The following HS2ST1 variants were observed in gnomAD, a reference collection of about 807,000 sequenced individuals.
The protein encoded by HS2ST1 is 2-O-sulfotransferase.
Under a neutral mutation model 42.9 loss-of-function variants are expected in HS2ST1, and 18 were observed. The ratio of observed to expected loss-of-function variants is 0.42; its 90% CI spans 0.29 to 0.62. The LOEUF (loss-of-function observed/expected upper bound fraction) is 0.62. HS2ST1 is among the 20% of genes least tolerant of loss of function. HS2ST1 has a pLI of 0.21. For missense variants in HS2ST1, 334 were observed against 433.8 expected (o/e 0.77, Z 2.04); for synonymous variants, 146 against 152.9 (o/e 0.95, Z 0.33).
Position 87,100,613 on chromosome 1 carries a change from TCCCTATTCCCTG to T in HS2ST1, c.686+2691_686+2702del, listed in dbSNP as rs542492686. ...TGCTCCACAGTGTTATTAAATTCCT[TCCCTATTCCCTG>T]CCCTATTCCCTGGAAAATAGGCTTT... is the stretch of plus-strand genomic sequence containing the variant. On this transcript the variant is annotated intron_variant, in intron 5 of 6. Coordinates refer to ENST00000370550, the MANE Select transcript of HS2ST1 (RefSeq NM_012262.4). Among the ~76,000 whole-genome samples, 943 of 152,286 alleles carry T rather than the reference TCCCTATTCCCTG, an allele frequency of 6.2e-3. 2 individuals carry two copies. Among genetic ancestry groups the T allele is most frequent in the Non-Finnish European group, 0.01 (696 of 68,014 alleles).
chr1:87,068,487 A>C (rs538404478), intron 1 of HS2ST1, among the ~76,000 whole-genome samples: 59 of 152,310 alleles, frequency 3.9e-4, no homozygotes, highest in Admixed American at 1.5e-3. Flanking sequence ...TAAATATACA[A>C]TCATGTCATC....
At position 86,950,845 on chromosome 1, in the gene HS2ST1, G is replaced by A. The variant is rs188409041; in HGVS notation, c.124+35685G>A. Among the ~76,000 whole-genome samples, 268 of 152,148 alleles carry A rather than the reference G, an allele frequency of 1.8e-3. 6 individuals carry two copies. Among genetic ancestry groups the A allele is most frequent in the Non-Finnish European group, 6.8e-4 (46 of 68,002 alleles). The stretch of plus-strand genomic sequence containing the variant: ...TTTGAAGTTTTCAGCATAAAAAGTG[G>A]GTAAAAGAAATGACCTCTTTATGCT... On this transcript the variant is annotated intron_variant, in intron 1 of 6. Transcript: ENST00000370550.
intron 1 of HS2ST1, among the ~76,000 whole-genome samples, chr1:87,056,578 G>A (rs116470469): frequency 0.024 from 3,610 of 152,260 alleles, 67 homozygotes; most frequent in Middle Eastern, 0.048. Context: ...AAGGAAAATA[G>A]TTGACAGTAT....
In HS2ST1 at chr1:86,998,168, C is replaced by T. The variant is rs543645810; in HGVS notation, c.125-74766C>T. ...TTTGTTTTTATCTTGCTAAGGGTTT[C>T]CAATATATCTTTGTTCTTATATATA... On this transcript the variant is annotated intron_variant, in intron 1 of 6. Coordinates refer to ENST00000370550, the MANE Select transcript of HS2ST1 (RefSeq NM_012262.4). 6.8e-4 allele frequency among the ~76,000 whole-genome samples: 103 copies of T among 152,196 alleles called. 1 individual carries two copies. The highest frequency in any genetic ancestry group is 2.3e-3 in the African/African-American group (96 of 41,534).
chr1:86,924,946 A>G lies in HS2ST1; in HGVS notation c.124+9786A>G, dbSNP rs72947856. 2.1e-3 allele frequency among the ~76,000 whole-genome samples: 324 copies of G among 152,210 alleles called. 1 individual carries two copies. The highest frequency in any genetic ancestry group is 7.1e-3 in the African/African-American group (296 of 41,508). On this transcript the variant is annotated intron_variant, in intron 1 of 6. Coordinates refer to ENST00000370550, the MANE Select transcript of HS2ST1 (RefSeq NM_012262.4). Reference sequence around the variant, plus strand: ...CTGAGAAAATGAAATTTTCTTTTCTATTGCATTGTCAGTCTTAAAATTTTC... The same window carrying G: ...CTGAGAAAATGAAATTTTCTTTTCTGTTGCATTGTCAGTCTTAAAATTTTC...
intron 1 of HS2ST1, among the ~76,000 whole-genome samples, chr1:86,976,623 A>G (rs897890401): frequency 1.4e-5 from 2 of 147,046 alleles, no homozygotes; most frequent in African/African-American, 4.9e-5. Flanking sequence ...ATTAAATGCT[A>G]TGAAAAAGAA....
intron 1 of HS2ST1, among the ~76,000 whole-genome samples, chr1:86,999,431 G>A (rs1649211600): frequency 6.6e-6 from 1 of 152,158 alleles, no homozygotes; most frequent in African/African-American, 2.4e-5. Flanking sequence ...ACCCACCTCA[G>A]CCTCCCAAAG....
intron 1 of HS2ST1, among the ~76,000 whole-genome samples, chr1:87,007,439 C>T (rs1331609959): frequency 6.6e-6 from 1 of 151,922 alleles, no homozygotes; most frequent in Non-Finnish European, 1.5e-5. Flanking sequence ...GAGGCATGGC[C>T]CCTAAGTTAT....
chr1:87,048,119 C>T (rs1393250428), intron 1 of HS2ST1, among the ~76,000 whole-genome samples: 1 of 152,014 alleles, frequency 6.6e-6, no homozygotes, highest in Admixed American at 6.6e-5. Flanking sequence ...ATAATTTTTA[C>T]TGTATGGTCT....
chr1:86,987,769 C>T (rs1029948932), intron 1 of HS2ST1, among the ~76,000 whole-genome samples: 2 of 152,202 alleles, frequency 1.3e-5, no homozygotes, highest in African/African-American at 4.8e-5. Context: ...TCAAATGGCC[C>T]TGTAGCAGGA....
intron 1 of HS2ST1, among the ~76,000 whole-genome samples, chr1:86,978,229 C>A (rs1648479871): frequency 6.6e-6 from 1 of 152,188 alleles, no homozygotes; most frequent in Admixed American, 6.5e-5. Context: ...GAACATCTAT[C>A]TGTCATTAGG....
intron 1 of HS2ST1, among the ~76,000 whole-genome samples, chr1:86,976,139 G>C (rs1054099322): frequency 7.0e-4 from 106 of 152,266 alleles, no homozygotes; most frequent in African/African-American, 2.5e-3. Context: ...TAAAGTTTCT[G>C]TTTCTATTCA....
intron 1 of HS2ST1, among the ~76,000 whole-genome samples, chr1:86,916,706 C>A (rs905171796): frequency 6.6e-6 from 1 of 151,972 alleles, no homozygotes; most frequent in Non-Finnish European, 1.5e-5. Flanking sequence ...CTTTTGGATC[C>A]ATTTAGCGAC....
At chr1:86,962,072 A>G (rs1165965379) in intron 1 of HS2ST1, among the ~76,000 whole-genome samples, 1 of 152,188 alleles carries the variant, frequency 6.6e-6, no homozygotes, top group Non-Finnish European at 1.5e-5. Flanking sequence ...CTATACATCT[A>G]GTTTAATGTA....
chr1:86,943,738 A>AAT (rs1476971772), intron 1 of HS2ST1, among the ~76,000 whole-genome samples: 1 of 151,564 alleles, frequency 6.6e-6, no homozygotes, highest in Non-Finnish European at 1.5e-5. Flanking sequence ...AGAAAAAAAA[A>AAT]ATTCTGGCCA....
intron 1 of HS2ST1, among the ~76,000 whole-genome samples, chr1:86,971,687 A>G (rs2102209974): frequency 6.6e-6 from 1 of 152,306 alleles, no homozygotes; most frequent in Non-Finnish European, 1.5e-5. Flanking sequence ...TATCATATAT[A>G]CTGCATTATG....
chr1:86,992,570 C>T (rs1350924965), intron 1 of HS2ST1, among the ~76,000 whole-genome samples: 1 of 152,118 alleles, frequency 6.6e-6, no homozygotes, highest in African/African-American at 2.4e-5. Flanking sequence ...CCATGTTGAT[C>T]AGGCTGGTCT....
At chr1:86,948,654 A>G (rs1279391764) in intron 1 of HS2ST1, among the ~76,000 whole-genome samples, 1 of 152,202 alleles carries the variant, frequency 6.6e-6, no homozygotes, top group African/African-American at 2.4e-5. Context: ...TTAATGTGCC[A>G]TTTATTTTTA....
At chr1:87,040,534 C>T (rs997622133) in intron 1 of HS2ST1, among the ~76,000 whole-genome samples, 4 of 152,070 alleles carry the variant, frequency 2.6e-5, no homozygotes, top group African/African-American at 4.8e-5. Flanking sequence ...GCATTGACTC[C>T]GCCAAGGTGC....
Sources: allele counts gnomAD v4.1 joint callset (sites outside exome capture counted in the v4.1 genomes callset), GRCh38; gene constraint gnomAD v4.1.1; transcripts MANE v1.5; gene names NCBI Gene and HGNC (gene_info 2026-07-23, HGNC 2026-07-21).